CTNNA3: variants seen among roughly 807,000 people sequenced by gnomAD.
The protein encoded by CTNNA3 is catenin alpha-3.
Under a neutral mutation model 95.7 loss-of-function variants are expected in CTNNA3, and 76 were observed. The ratio of observed to expected loss-of-function variants is 0.79; its 90% confidence interval spans 0.66 to 0.96. The LOEUF (loss-of-function observed/expected upper bound fraction) is 0.96, where lower values mean the gene tolerates loss of function less well. CTNNA3 is among the 40% of genes least tolerant of loss of function. CTNNA3 has a pLI of 0.00. For missense variants in CTNNA3, 1,191 were observed against 1,089.8 expected (o/e 1.09, Z -1.31); for synonymous variants, 431 against 374.4 (o/e 1.15, Z -1.74).
intron 7 of CTNNA3, among the ~76,000 whole-genome samples, chr10:66,837,059 T>TA (rs1039935704): frequency 1.3e-5 from 2 of 151,990 alleles, no homozygotes; most frequent in Non-Finnish European, 2.9e-5. Flanking sequence ...TTTGTGAAGG[T>TA]AAAAAAATTC....
chr10:67,547,985 T>G (rs1013742619), intron 3 of CTNNA3, among the ~76,000 whole-genome samples: 1 of 152,216 alleles, frequency 6.6e-6, no homozygotes, highest in Admixed American at 6.5e-5. Context: ...CAATAATCCC[T>G]GACTGATATC....
intron 13 of CTNNA3, among the ~76,000 whole-genome samples, chr10:66,157,463 G>A (rs2084581050): frequency 6.6e-6 from 1 of 151,078 alleles, no homozygotes; most frequent in Admixed American, 6.6e-5. Context: ...TAGATAGATA[G>A]ATAGACAGAT....
At position 66,758,131 on chromosome 10, in the gene CTNNA3, C is replaced by T. The variant is rs189561396; in HGVS notation, c.1281+8133G>A. Among the ~76,000 whole-genome samples the T allele has an allele frequency of 6.6e-4, 101 of 152,234 alleles. 1 individual carries two copies. Among genetic ancestry groups the T allele is most frequent in the African/African-American group, 2.3e-3 (97 of 41,546 alleles). On this transcript the variant is annotated intron_variant, in intron 9 of 17. Transcript: ENST00000433211. ...CTGGTTAACTAGCCTCTTCCATTCA[C>T]CATCAAATTACCTACATGTATGAAA...
chr10:66,178,951 T>C (rs1038111247), intron 13 of CTNNA3, among the ~76,000 whole-genome samples: 4 of 151,878 alleles, frequency 2.6e-5, no homozygotes, highest in African/African-American at 4.8e-5. Flanking sequence ...ACATGGCTAA[T>C]TGGAATGTAA....
intron 11 of CTNNA3, among the ~76,000 whole-genome samples, chr10:66,483,881 C>G (rs1839630734): frequency 6.6e-6 from 1 of 151,922 alleles, no homozygotes. Context: ...GAGAAAAAAA[C>G]TTAAAAAAAT....
intron 11 of CTNNA3, among the ~76,000 whole-genome samples, chr10:66,450,814 A>G (rs555727028): frequency 6.6e-6 from 1 of 152,248 alleles, no homozygotes; most frequent in South Asian, 2.1e-4. Context: ...GCTGAAATAG[A>G]TTTGTAAAGA....
At chr10:66,242,635 A>T (rs1380550804) in intron 13 of CTNNA3, among the ~76,000 whole-genome samples, 2 of 152,202 alleles carry the variant, frequency 1.3e-5, no homozygotes, top group Admixed American at 1.3e-4. Context: ...GATAACACTA[A>T]ATGTTGACAT....
chr10:66,715,030 C>A (rs941950821), intron 9 of CTNNA3, among the ~76,000 whole-genome samples: 2 of 151,826 alleles, frequency 1.3e-5, no homozygotes, highest in African/African-American at 2.4e-5. Context: ...GCCTTTTTGC[C>A]TTTTCCTAGT....
At chr10:66,809,010 T>A (rs1425369321) in intron 7 of CTNNA3, among the ~76,000 whole-genome samples, 1 of 152,196 alleles carries the variant, frequency 6.6e-6, no homozygotes, top group Non-Finnish European at 1.5e-5. Context: ...CAGCAGATGG[T>A]TGTCAGCATT....
At chr10:66,707,400 T>A (rs1848152185) in intron 9 of CTNNA3, among the ~76,000 whole-genome samples, 1 of 145,270 alleles carries the variant, frequency 6.9e-6, no homozygotes, top group Non-Finnish European at 1.5e-5. Flanking sequence ...TACATTTTAA[T>A]TTTTTTTTTG....
intron 5 of CTNNA3, among the ~76,000 whole-genome samples, chr10:67,280,697 C>A (rs1839362429): frequency 6.6e-6 from 1 of 152,068 alleles, no homozygotes; most frequent in Non-Finnish European, 1.5e-5. Flanking sequence ...CATGCCCAGG[C>A]AAGAAGACCC....
At chr10:65,983,094 T>C (rs1030134723) in intron 16 of CTNNA3, among the ~76,000 whole-genome samples, 11 of 151,842 alleles carry the variant, frequency 7.2e-5, no homozygotes, top group Admixed American at 1.3e-4. Flanking sequence ...CTTTGGTTTT[T>C]AAACATCATC....
chr10:67,655,026 A>G (rs767729399), intron 1 of CTNNA3, among the ~76,000 whole-genome samples: 1 of 152,236 alleles, frequency 6.6e-6, no homozygotes, highest in Non-Finnish European at 1.5e-5. Flanking sequence ...GTGTTCTCCC[A>G]GGTAACTATT....
intron 13 of CTNNA3, among the ~76,000 whole-genome samples, chr10:66,134,154 C>T (rs531108162): frequency 9.2e-5 from 14 of 152,134 alleles, no homozygotes; most frequent in Non-Finnish European, 1.6e-4. Context: ...GTATAAAAAA[C>T]TCATAAAAAC....
intron 13 of CTNNA3, among the ~76,000 whole-genome samples, chr10:66,204,592 A>G (rs1026938250): frequency 2.0e-5 from 3 of 152,160 alleles, no homozygotes; most frequent in Admixed American, 6.5e-5. Context: ...AATTAATACT[A>G]TCTCCTGGCA....
At chr10:66,786,201 G>A (rs765108045) in intron 7 of CTNNA3, among the ~76,000 whole-genome samples, 3 of 152,004 alleles carry the variant, frequency 2.0e-5, no homozygotes, top group East Asian at 3.9e-4. Context: ...CTCAAGCCTT[G>A]TTCATAGCTA....
At chr10:67,130,359 A>G (rs1385358612) in intron 7 of CTNNA3, among the ~76,000 whole-genome samples, 1 of 152,044 alleles carries the variant, frequency 6.6e-6, no homozygotes. Context: ...GCCACCCTCT[A>G]TGAGGGAGGT....
At chr10:66,006,222 C>T (rs1347098654) in intron 15 of CTNNA3, among the ~76,000 whole-genome samples, 4 of 151,932 alleles carry the variant, frequency 2.6e-5, no homozygotes, top group Admixed American at 2.0e-4. Flanking sequence ...ACAGTGTTAG[C>T]CAGGATAGTC....
chr10:66,371,749 T>A (rs1038804596), intron 12 of CTNNA3, among the ~76,000 whole-genome samples: 1 of 152,098 alleles, frequency 6.6e-6, no homozygotes, highest in Non-Finnish European at 1.5e-5. Context: ...GTAAGAGTCT[T>A]AGTGTGAGGC....
Sources: gnomAD v4.1 joint callset for allele counts (sites outside exome capture counted in the v4.1 genomes callset) on GRCh38, gnomAD v4.1.1 for gene constraint, MANE v1.5 for transcripts, NCBI Gene and HGNC (gene_info 2026-07-23, HGNC 2026-07-21) for gene names.